The following RUVBL1 variants were observed in gnomAD, a reference collection of about 807,000 sequenced individuals.
The protein encoded by RUVBL1 is ruvB-like 1.
A neutral mutation model predicts 52.4 loss-of-function variants in RUVBL1; 4 were observed. That is an observed-to-expected ratio of 0.08 (90% confidence interval 0.04 to 0.17). The LOEUF (loss-of-function observed/expected upper bound fraction) is 0.17, where lower values mean the gene tolerates loss of function less well. Among genes scored for constraint, RUVBL1 ranks in the 10% least tolerant of loss-of-function variants. The pLI, the probability that RUVBL1 is intolerant of heterozygous loss-of-function variation, is 1.00. For missense variants in RUVBL1, 298 were observed against 572.8 expected, an observed-to-expected ratio of 0.52 and a Z score of 4.90; for synonymous variants, 217 against 214.4, an observed-to-expected ratio of 1.01 and a Z score of -0.10.
rs749101198 is a variant in RUVBL1, at chr3:128,113,037, C to G, written c.229-17G>C. 8.1e-6 allele frequency: 13 copies of G among 1,611,978 alleles called. No individual in the cohort carries two copies. Among genetic ancestry groups the G allele is most frequent in the Non-Finnish European group, 1.1e-5 (13 of 1,179,308 alleles). ...CAGAGCTGTCTACAAAAGAAAGCAACGGAAACACAGTTCACAGTCCTGAAA... is the reference window on the plus strand; with the variant it reads ...CAGAGCTGTCTACAAAAGAAAGCAAGGGAAACACAGTTCACAGTCCTGAAA... On this transcript the variant is annotated splice_polypyrimidine_tract_variant and intron_variant, in intron 2 of 10. Coordinates refer to ENST00000322623, the MANE Select transcript of RUVBL1 (RefSeq NM_003707.3).
chr3:128,093,505 TG>T (rs146757839), intron 8 of RUVBL1, among the ~76,000 whole-genome samples: 25 of 152,012 alleles, frequency 1.6e-4, no homozygotes, highest in African/African-American at 5.1e-4. Context: ...TTTTTTTTTT[TG>T]TTGGAACACT....
At chr3:128,129,756 A>G (rs1417710830) in intron 1 of RUVBL1, among the ~76,000 whole-genome samples, 1 of 152,222 alleles carries the variant, frequency 6.6e-6, no homozygotes, top group African/African-American at 2.4e-5. Context: ...TGCTAGGTAA[A>G]ATAAGCCAGT....
At chr3:128,109,954 T>A (rs1358442718) in intron 3 of RUVBL1, among the ~76,000 whole-genome samples, 6 of 151,196 alleles carry the variant, frequency 4.0e-5, no homozygotes, top group Admixed American at 1.3e-4. Flanking sequence ...TAGCTGGGAT[T>A]ACAGGCGTAT....
At chr3:128,136,566 C>A (rs1943950026) in intron 1 of RUVBL1, among the ~76,000 whole-genome samples, 1 of 142,120 alleles carries the variant, frequency 7.0e-6, no homozygotes, top group African/African-American at 2.7e-5. Flanking sequence ...GTCAAGGCTG[C>A]AGTGAGCAAT....
At chr3:128,065,740 T>TG (rs1226808862) in intron 9 of RUVBL1, among the ~76,000 whole-genome samples, 22 of 139,212 alleles carry the variant, frequency 1.6e-4, no homozygotes, top group African/African-American at 5.7e-4. Flanking sequence ...GAATTTTTTT[T>TG]TTTTTTTTTT....
At chr3:128,086,890 A>G (rs541549250) in intron 9 of RUVBL1, among the ~76,000 whole-genome samples, 175 of 152,306 alleles carry the variant, frequency 1.1e-3, no homozygotes, top group African/African-American at 4.0e-3. Context: ...TCGTCTCCCA[A>G]CTCAGCCTAA....
At chr3:128,128,114 T>G (rs1943822689), upstream of RUVBL1, among the ~76,000 whole-genome samples, 2 of 152,216 alleles carry the variant, frequency 1.3e-5, no homozygotes, top group African/African-American at 4.8e-5. Flanking sequence ...CATCTCAGCC[T>G]CCCGAGTAGC....
chr3:128,092,574 A>T (rs1364944410), intron 8 of RUVBL1, among the ~76,000 whole-genome samples: 1 of 152,208 alleles, frequency 6.6e-6, no homozygotes, highest in Non-Finnish European at 1.5e-5. Flanking sequence ...AAGACAATAT[A>T]CAAATGGCCA....
intron 1 of RUVBL1, among the ~76,000 whole-genome samples, chr3:128,152,887 C>CCCCCCCCCCCCCCCCCCCGCCCCCCA (rs1559843116): frequency 3.4e-4 from 4 of 11,688 alleles, no homozygotes; most frequent in Non-Finnish European, 5.6e-4. Flanking sequence ...TATTTGCCCC[C>CCCCCCCCCCCCCCCCCCCGCCCCCCA]TCCCCCACGT....
chr3:128,130,030 T>C (rs1439053758), intron 1 of RUVBL1, among the ~76,000 whole-genome samples: 1 of 152,120 alleles, frequency 6.6e-6, no homozygotes, highest in Non-Finnish European at 1.5e-5. Context: ...ACGTATCTTT[T>C]ACCAAAAATT....
rs1205285935 is a variant in RUVBL1, at chr3:128,081,087, G to GT, written c.*162dup. The GT allele has an allele frequency of 1.4e-5, 9 of 627,098 alleles. No homozygotes were observed. The African/African-American group carries it at 1.6e-4, about 11-fold the overall frequency. 38.8% of individuals were successfully genotyped at this position (627,098 alleles called of 1,614,324 possible). A position where few individuals can be genotyped will look rare whatever the true frequency, so the allele number is the denominator to read the frequency against. On this transcript the variant is annotated 3_prime_UTR_variant, in exon 11 of 11. Transcript: ENST00000322623. This position sits in a 1 kb window ranked among gnomAD's most constrained non-coding sequence, Gnocchi z 4.8. ...TTCTTTCAAAGCAACCACAGGAACA[G>GT]TTACGATAACTTAAAAAGAAATGCT...
Position 128,087,689 on chromosome 3 carries a change from GA to G in RUVBL1, c.1119+16del, listed in dbSNP as rs756557310. Reference sequence around the variant, plus strand: ...GCAAATGAGAGAAGAGAGCAGGAGGGAAGAAGGGAGGCTCACCTGTTTCATT... The same window carrying G: ...GCAAATGAGAGAAGAGAGCAGGAGGGAGAAGGGAGGCTCACCTGTTTCATT... On this transcript the variant is annotated intron_variant, in intron 9 of 10. Coordinates refer to ENST00000322623, the MANE Select transcript of RUVBL1 (RefSeq NM_003707.3). 14 of 1,593,856 alleles carry G rather than the reference GA, an allele frequency of 8.8e-6. No homozygotes were observed. In the South Asian group the frequency reaches 1.5e-4, roughly 18 times the overall value.
At chr3:128,115,295 A>T (rs1412948418) in intron 2 of RUVBL1, among the ~76,000 whole-genome samples, 1 of 152,224 alleles carries the variant, frequency 6.6e-6, no homozygotes, top group Non-Finnish European at 1.5e-5. Context: ...TGTGAGTGAC[A>T]AGTGGCACAA....
At chr3:128,142,894 C>T (rs1364067973) in intron 1 of RUVBL1, among the ~76,000 whole-genome samples, 1 of 152,190 alleles carries the variant, frequency 6.6e-6, no homozygotes, top group African/African-American at 2.4e-5. Context: ...AATTCTGTCA[C>T]CTCAGCCTCC....
Position 128,123,759 on chromosome 3 carries a change from A to C in RUVBL1, c.-35T>G, listed in dbSNP as rs776981572. 7 of 1,581,632 alleles carry C rather than the reference A, an allele frequency of 4.4e-6. No individual in the cohort carries two copies. The highest frequency in any genetic ancestry group is 5.2e-6 in the Non-Finnish European group (6 of 1,159,210). ...GCCGGGAGCTAAAACCAGCGTGGAAAACCAGCAGCTAGGACAGTGCGCCCG... is the reference window on the plus strand; with the variant it reads ...GCCGGGAGCTAAAACCAGCGTGGAACACCAGCAGCTAGGACAGTGCGCCCG... On this transcript the variant is annotated 5_prime_UTR_variant, in exon 1 of 11. Coordinates refer to ENST00000322623, the MANE Select transcript of RUVBL1 (RefSeq NM_003707.3).
At chr3:128,089,139 G>T (rs1942750181) in intron 8 of RUVBL1, among the ~76,000 whole-genome samples, 1 of 152,218 alleles carries the variant, frequency 6.6e-6, no homozygotes, top group Non-Finnish European at 1.5e-5. Context: ...TGAGGCATTT[G>T]AATGTATTCC....
In RUVBL1 at chr3:128,081,141, C is replaced by T. The variant is rs1942461654; in HGVS notation, c.*109G>A. 2 of 1,121,092 alleles carry T rather than the reference C, an allele frequency of 1.8e-6. No homozygotes were observed. Among genetic ancestry groups the T allele is most frequent in the Admixed American group, 4.4e-5 (2 of 45,386 alleles). 69.4% of individuals were successfully genotyped at this position (1,121,092 alleles called of 1,614,324 possible). On this transcript the variant is annotated 3_prime_UTR_variant, in exon 11 of 11. Coordinates refer to ENST00000322623, the MANE Select transcript of RUVBL1 (RefSeq NM_003707.3). This position sits in a 1 kb window ranked among gnomAD's most constrained non-coding sequence, Gnocchi z 4.8. ...CACACTGAACTGACAGCGCTGCAGA[C>T]CACGCCTGAGTGGGGACGGCAGCCC...
upstream of RUVBL1, among the ~76,000 whole-genome samples, chr3:128,124,405 G>A (rs1943749752): frequency 6.6e-6 from 1 of 151,818 alleles, no homozygotes; most frequent in African/African-American, 2.4e-5. Flanking sequence ...AATTACGCAT[G>A]CAGCTACAAA....
At chr3:128,123,967 A>G, upstream of RUVBL1, 2 of 1,209,102 alleles carry the variant, frequency 1.7e-6, no homozygotes, top group Non-Finnish European at 2.1e-6. Flanking sequence ...CTTCCCCCGT[A>G]GCCGGCGCTT....
Sources: gnomAD v4.1 joint callset for allele counts (sites outside exome capture counted in the v4.1 genomes callset) on GRCh38, gnomAD v4.1.1 for gene constraint, Gnocchi (gnomAD v3.1) non-coding constraint, MANE v1.5 for transcripts, NCBI Gene and HGNC (gene_info 2026-07-23, HGNC 2026-07-21) for gene names.